STARD9: variants seen among roughly 807,000 people sequenced by gnomAD.
The protein encoded by STARD9 is stAR-related lipid transfer protein 9.
STARD9 carries 346 observed loss-of-function variants against 399.8 expected under a neutral mutation model. The observed-to-expected ratio is 0.87, with a 90% CI of 0.79 to 0.95. The LOEUF is 0.95. Ranked by LOEUF, STARD9 falls within the 40% of genes least tolerant of loss-of-function variation. The pLI is 0.00. For missense variants in STARD9, 5,832 were observed against 5,667.5 expected (o/e 1.03, Z -0.93); for synonymous variants, 2,203 against 2,143.5 (o/e 1.03, Z -0.77).
At chr15:42,627,301 AAG>A (rs1352825109) in intron 3 of STARD9, among the ~76,000 whole-genome samples, 3 of 152,144 alleles carry the variant, frequency 2.0e-5, no homozygotes, top group Non-Finnish European at 2.9e-5. Context: ...GTTTCAGAAA[AAG>A]AAAAAAAATT....
intron 3 of STARD9, among the ~76,000 whole-genome samples, chr15:42,608,214 G>A (rs2058775950): frequency 6.6e-6 from 1 of 152,178 alleles, no homozygotes; most frequent in Admixed American, 6.6e-5. Flanking sequence ...ACTCTGGCAT[G>A]CAGCACTGCC....
chr15:42,685,907 A>G lies in STARD9; in HGVS notation c.4329A>G (p.Arg1443=), dbSNP rs918774460. 4.6e-6 allele frequency: 7 copies of G among 1,537,160 alleles called. No homozygotes were observed. The highest frequency in any genetic ancestry group is 1.7e-4 in the Middle Eastern group (1 of 5,990). ...GAGCTGATGGCACCTTTCAGGGCAGATGTATCCCTGACATGACCCAGCAGG... is the reference window on the plus strand; with the variant it reads ...GAGCTGATGGCACCTTTCAGGGCAGGTGTATCCCTGACATGACCCAGCAGG... ...QPGADGTFQG[R]CIPDMTQQGS... The change falls in exon 23 of 33, where the codon AGA becomes AGG. Residue 1443 remains arginine (R), a synonymous_variant. Coordinates refer to ENST00000290607, the MANE Select transcript of STARD9 (RefSeq NM_020759.3).
chr15:42,718,813 G>GA lies in STARD9; in HGVS notation c.13909dup (p.Met4637AsnfsTer64). 6.5e-7 allele frequency: 1 copy of GA among 1,537,286 alleles called. No homozygotes were observed. Among genetic ancestry groups the GA allele is most frequent in the African/African-American group, 1.4e-5 (1 of 73,174 alleles). Reference sequence around the variant, plus strand: ...GATACATCCATGCCAAGACCCAGCAGAAAAATGGTTCGCGGGGAGATCCTG... The same window carrying GA: ...GATACATCCATGCCAAGACCCAGCAGAAAAAATGGTTCGCGGGGAGATCCTG... On this transcript the variant is annotated frameshift_variant, in exon 32 of 33. Coordinates refer to ENST00000290607, the MANE Select transcript of STARD9 (RefSeq NM_020759.3). LOFTEE classifies it high-confidence loss of function.
In STARD9 at chr15:42,684,702, A is replaced by G. The variant is rs1270104363; in HGVS notation, c.3124A>G (p.Lys1042Glu). 3 of 1,537,104 alleles carry G rather than the reference A, an allele frequency of 2.0e-6. 1 individual carries two copies. Among genetic ancestry groups the G allele is most frequent in the East Asian group, 2.4e-5 (1 of 40,914 alleles). The change falls in exon 23 of 33, where the codon AAA becomes GAA. Residue 1042 changes from lysine (K) to glutamate (E), a missense_variant. This residue lies in a region of STARD9 where 5,828 missense variants were observed against 5,651.1 expected (regional missense o/e 1.03). Transcript: ENST00000290607. The stretch of plus-strand genomic sequence containing the variant: ...ACCACCTTCTCCAAGCAGGGCATCA[A>G]AAAGGCATCAGAGGGTTCTGGCAAC... ...YKPPSPSRAS[K>E]RHQRVLATRV...
At position 42,607,117 on chromosome 15, in the gene STARD9, G is replaced by A. The variant is rs2058742946; in HGVS notation, c.234+21480G>A. Among the ~76,000 whole-genome samples, 3 of 147,918 alleles carry A rather than the reference G, an allele frequency of 2.0e-5. 1 individual carries two copies. In the South Asian group the frequency reaches 6.5e-4, roughly 32 times the overall value. On this transcript the variant is annotated intron_variant, in intron 3 of 32. Coordinates refer to ENST00000290607, the MANE Select transcript of STARD9 (RefSeq NM_020759.3). ...CATGTGCCACGTCCTCCACATGGAG[G>A]AGTCTAAAGTCTGTGCACAACCCTG...
In STARD9 at chr15:42,663,327, A is replaced by G. The variant is rs1462631395; in HGVS notation, c.915A>G (p.Ser305=). ...VFSSCQSLNS[S]VSNGGDSGIL... is the part of the protein sequence containing the mutation. Reference sequence around the variant, plus strand: ...GCAGCTGCCAGAGCCTCAACAGCTCAGTCAGCAATGGTGGTGACAGTGGGA... The same window carrying G: ...GCAGCTGCCAGAGCCTCAACAGCTCGGTCAGCAATGGTGGTGACAGTGGGA... The change falls in exon 12 of 33, where the codon TCA becomes TCG. Residue 305 remains serine, a synonymous_variant. Coordinates refer to ENST00000290607, the MANE Select transcript of STARD9 (RefSeq NM_020759.3). The G allele has an allele frequency of 4.6e-6, 7 of 1,537,248 alleles. No individual in the cohort carries two copies. In the African/African-American group the frequency reaches 6.8e-5, roughly 15 times the overall value.
chr15:42,688,519 G>GC lies in STARD9; in HGVS notation c.6944dup (p.Leu2316IlefsTer18). 2.6e-6 allele frequency: 4 copies of GC among 1,537,756 alleles called. No individual in the cohort carries two copies. The highest frequency in any genetic ancestry group is 3.5e-6 in the Non-Finnish European group (4 of 1,147,062). On this transcript the variant is annotated frameshift_variant, in exon 23 of 33. Transcript: ENST00000290607. LOFTEE classifies it high-confidence loss of function. ...ACGTTTTTCAGGCAGGAAACTGTCA[G>GC]CCCATTACTAAGCCGGACAGAATTC...
chr15:42,696,660 TGA>T (rs1393780640), intron 26 of STARD9, among the ~76,000 whole-genome samples: 2 of 152,038 alleles, frequency 1.3e-5, no homozygotes, highest in Non-Finnish European at 2.9e-5. Context: ...ACGGCAGAGC[TGA>T]GAGAGATGAT....
intron 3 of STARD9, among the ~76,000 whole-genome samples, chr15:42,634,435 C>T (rs1265581014): frequency 6.6e-6 from 1 of 152,196 alleles, no homozygotes; most frequent in South Asian, 2.1e-4. Context: ...TACTGATCTT[C>T]AGTATGGTAT....
chr15:42,588,660 C>G (rs1486197449), intron 3 of STARD9, among the ~76,000 whole-genome samples: 1 of 152,054 alleles, frequency 6.6e-6, no homozygotes, highest in East Asian at 1.9e-4. Flanking sequence ...AGGTTTAACC[C>G]TAATCACTAT....
Position 42,693,656 on chromosome 15 carries a change from G to T in STARD9, c.12078G>T (p.Arg4026Ser), listed in dbSNP as rs759661465. 37 of 1,537,144 alleles carry T rather than the reference G, an allele frequency of 2.4e-5. No individual in the cohort carries two copies. The highest frequency in any genetic ancestry group is 3.0e-5 in the Non-Finnish European group (34 of 1,146,924). ...LPPPLRHRSQ[R>S]LGNSFVPEKV... ...CACCACTGAGGCACAGGAGCCAAAGGCTGGGCAACAGCTTTGTGCCTGAGA... is the reference window on the plus strand; with the variant it reads ...CACCACTGAGGCACAGGAGCCAAAGTCTGGGCAACAGCTTTGTGCCTGAGA... The change falls in exon 23 of 33, where the codon AGG becomes AGT. Residue 4026 changes from arginine (R) to serine (S), a missense_variant. Coordinates refer to ENST00000290607, the MANE Select transcript of STARD9 (RefSeq NM_020759.3).
intron 3 of STARD9, among the ~76,000 whole-genome samples, chr15:42,601,875 T>C (rs1468634940): frequency 6.6e-6 from 1 of 152,224 alleles, no homozygotes; most frequent in Non-Finnish European, 1.5e-5. Flanking sequence ...TTTGAGGCAG[T>C]CTTGCTCTGT....
chr15:42,694,217 A>G lies in STARD9; in HGVS notation c.12639A>G (p.Thr4213=). 3 of 1,535,754 alleles carry G rather than the reference A, an allele frequency of 2.0e-6. No homozygotes were observed. Among genetic ancestry groups the G allele is most frequent in the Non-Finnish European group, 2.6e-6 (3 of 1,146,168 alleles). ...ACCTCTCACTCAGCGTGGAACTCAC[A>G]GAAGCGAAACTGCACCATGGCTTTG... ...AQNLSLSVEL[T]EAKLHHGFGE... The change falls in exon 23 of 33, where the codon ACA becomes ACG. Residue 4213 remains threonine, a synonymous_variant. Transcript: ENST00000290607.
At chr15:42,607,651 T>TAC (rs10655556) in intron 3 of STARD9, among the ~76,000 whole-genome samples, 72,168 of 143,502 alleles carry the variant, frequency 0.5, 18,350 homozygotes, top group Non-Finnish European at 0.57. Flanking sequence ...CACACACTTA[T>TAC]ACACACACAC....
chr15:42,702,016 A>AT (rs2060975487), intron 26 of STARD9, among the ~76,000 whole-genome samples: 1 of 149,632 alleles, frequency 6.7e-6, no homozygotes, highest in Non-Finnish European at 1.5e-5. Flanking sequence ...AAAAAAAAAA[A>AT]GCTGAATGCA....
At chr15:42,613,913 C>T (rs1039397471) in intron 3 of STARD9, among the ~76,000 whole-genome samples, 1 of 151,612 alleles carries the variant, frequency 6.6e-6, no homozygotes, top group African/African-American at 2.4e-5. Context: ...TGCGGTGAGC[C>T]GAGATCCTGC....
At position 42,612,316 on chromosome 15, in the gene STARD9, CAGTG is replaced by C. The variant is rs569250173; in HGVS notation, c.235-22537_235-22534del. 3.8e-3 allele frequency among the ~76,000 whole-genome samples: 578 copies of C among 152,218 alleles called. 1 individual carries two copies. Among genetic ancestry groups the C allele is most frequent in the Non-Finnish European group, 7.1e-3 (480 of 68,012 alleles). On this transcript the variant is annotated intron_variant, in intron 3 of 32. Coordinates refer to ENST00000290607, the MANE Select transcript of STARD9 (RefSeq NM_020759.3). ...CTTATTTGGGTCATCTGTGAGCTGACAGTGAGCACCTAAGAACATGAGTCTTAGG... is the reference window on the plus strand; with the variant it reads ...CTTATTTGGGTCATCTGTGAGCTGACAGCACCTAAGAACATGAGTCTTAGG...
chr15:42,612,025 G>A (rs1490615162), intron 3 of STARD9, among the ~76,000 whole-genome samples: 1 of 152,154 alleles, frequency 6.6e-6, no homozygotes, highest in Non-Finnish European at 1.5e-5. Flanking sequence ...CTGGAGTGCA[G>A]TGGCACAATC....
Position 42,686,985 on chromosome 15 carries a change from C to G in STARD9, c.5407C>G (p.Gln1803Glu). 2.0e-6 allele frequency: 3 copies of G among 1,536,752 alleles called. No individual in the cohort carries two copies. The highest frequency in any genetic ancestry group is 2.6e-6 in the Non-Finnish European group (3 of 1,146,764). Residue 1803 changes from glutamine (Q) to glutamate (E), a missense_variant, in exon 23 of 33, where the codon CAA becomes GAA. Physicochemically the swap from Gln to Glu is conservative, Grantham distance 29. Transcript: ENST00000290607. ...YLKNNLPVLL[Q>E]NQNSKIASSQ... ...GAAGAATAATTTGCCAGTGCTGTTA[C>G]AAAACCAGAATTCTAAGATTGCCTC...
Sources: gnomAD v4.1 joint callset for allele counts (sites outside exome capture counted in the v4.1 genomes callset) on GRCh38, gnomAD v4.1.1 for gene constraint, gnomAD v4.1.1 regional missense constraint, MANE v1.5 for transcripts, NCBI Gene and HGNC (gene_info 2026-07-23, HGNC 2026-07-21) for gene names.